MAPK10: variants seen among roughly 807,000 people sequenced by gnomAD.
MAPK10 encodes JNK3 alpha protein kinase.
A neutral mutation model predicts 59.3 loss-of-function variants in MAPK10; 25 were observed. The ratio of observed to expected loss-of-function variants is 0.42; its 90% CI spans 0.31 to 0.59. MAPK10 has a LOEUF of 0.59. Among genes scored for constraint, MAPK10 ranks in the 20% least tolerant of loss-of-function variants. The pLI is 0.15. For missense variants in MAPK10, 351 were observed against 568.9 expected, an observed-to-expected ratio of 0.62 and a Z score of 3.90; for synonymous variants, 190 against 200.5, an observed-to-expected ratio of 0.95 and a Z score of 0.44.
chr4:86,171,455 T>G (rs980557593), intron 3 of MAPK10, among the ~76,000 whole-genome samples: 1 of 151,742 alleles, frequency 6.6e-6, no homozygotes, highest in African/African-American at 2.4e-5. Flanking sequence ...TTGACAAACC[T>G]GAGAAAAACA....
At chr4:86,267,746 C>G (rs2094302716) in intron 2 of MAPK10, among the ~76,000 whole-genome samples, 1 of 152,088 alleles carries the variant, frequency 6.6e-6, no homozygotes, top group African/African-American at 2.4e-5. Flanking sequence ...CCACTTTCAT[C>G]AAACTTCTGG....
intron 1 of MAPK10, among the ~76,000 whole-genome samples, chr4:86,394,370 G>C (rs527272209): frequency 9.2e-5 from 14 of 152,234 alleles, no homozygotes; most frequent in African/African-American, 3.4e-4. Context: ...CAATATTTCA[G>C]AATGAAAGCT....
At chr4:86,223,263 A>C (rs2089998063) in intron 2 of MAPK10, among the ~76,000 whole-genome samples, 1 of 152,178 alleles carries the variant, frequency 6.6e-6, no homozygotes, top group South Asian at 2.1e-4. Context: ...TTTGCAGTAC[A>C]GCTGGCATTC....
intron 2 of MAPK10, among the ~76,000 whole-genome samples, chr4:86,251,483 T>C (rs1362168861): frequency 7.1e-6 from 1 of 141,704 alleles, no homozygotes; most frequent in African/African-American, 2.7e-5. Flanking sequence ...ATTTCATCCA[T>C]GTCCCTACAA....
At chr4:86,455,334 A>C (rs1043930872), upstream of MAPK10, among the ~76,000 whole-genome samples, 1 of 152,210 alleles carries the variant, frequency 6.6e-6, no homozygotes, top group African/African-American at 2.4e-5. Flanking sequence ...CATCTAAAAG[A>C]CACGGAATTG....
chr4:86,041,552 G>A (rs1312001032), intron 11 of MAPK10, among the ~76,000 whole-genome samples: 2 of 152,242 alleles, frequency 1.3e-5, no homozygotes, highest in East Asian at 1.9e-4. Context: ...GCAACCTACA[G>A]AAAGGGAGAA....
chr4:86,250,163 G>T (rs1260348525), intron 2 of MAPK10, among the ~76,000 whole-genome samples: 4 of 152,128 alleles, frequency 2.6e-5, no homozygotes, highest in African/African-American at 9.7e-5. Context: ...TAGGAATGCC[G>T]ATCTTTACAA....
intron 1 of MAPK10, among the ~76,000 whole-genome samples, chr4:86,387,525 C>T (rs970153070): frequency 6.6e-6 from 1 of 152,148 alleles, no homozygotes. Flanking sequence ...GTTTATTTTT[C>T]CTCAACATCC....
At chr4:86,036,088 C>T (rs2040230727) in intron 11 of MAPK10, among the ~76,000 whole-genome samples, 2 of 152,128 alleles carry the variant, frequency 1.3e-5, no homozygotes, top group African/African-American at 2.4e-5. Context: ...TTATAGAAGT[C>T]AAGCAAGTAG....
chr4:86,330,739 G>T (rs2148913119), intron 2 of MAPK10, among the ~76,000 whole-genome samples: 1 of 152,236 alleles, frequency 6.6e-6, no homozygotes, highest in South Asian at 2.1e-4. Flanking sequence ...AAATTATCCA[G>T]CCTTGGGCAG....
intron 2 of MAPK10, among the ~76,000 whole-genome samples, chr4:86,246,234 A>G (rs1318487560): frequency 6.6e-6 from 1 of 152,290 alleles, no homozygotes; most frequent in Non-Finnish European, 1.5e-5. Flanking sequence ...GATCGAGACT[A>G]TCCTGGCTAA....
At chr4:86,428,188 T>A (rs1747556249) in intron 1 of MAPK10, among the ~76,000 whole-genome samples, 1 of 151,992 alleles carries the variant, frequency 6.6e-6, no homozygotes, top group African/African-American at 2.4e-5. Flanking sequence ...TCGCCCAGGC[T>A]GGAGCAGCAA....
chr4:86,116,333 G>T (rs191482946), intron 4 of MAPK10, among the ~76,000 whole-genome samples: 1 of 152,136 alleles, frequency 6.6e-6, no homozygotes, highest in African/African-American at 2.4e-5. Context: ...GGGCTGATTC[G>T]ATCCTCTACA....
intron 1 of MAPK10, among the ~76,000 whole-genome samples, chr4:86,388,646 T>C (rs1479858910): frequency 6.6e-6 from 1 of 152,196 alleles, no homozygotes; most frequent in East Asian, 1.9e-4. Flanking sequence ...TGTTATTGTA[T>C]AACAAGTTAA....
Position 86,581,902 on chromosome 4 carries a change from TATATATATATATATATA to T in MAPK10, c.-263+11991_-263+12007del, listed in dbSNP as rs1762315737. Reference sequence around the variant, plus strand: ...AAAACACTTTAAGCTATATATATTATATATATATATATATATATATATATATATATATATATATATAT... The same window carrying T: ...AAAACACTTTAAGCTATATATATTATTATATATATATATATATATATATAT... On this transcript the variant is annotated intron_variant, in intron 1 of 4. Transcript: ENST00000502302. 8.7e-3 allele frequency among the ~76,000 whole-genome samples: 16 copies of T among 1,842 alleles called. No individual in the cohort carries two copies. The South Asian group carries it at 0.11, about 13-fold the overall frequency. 1.2% of individuals were successfully genotyped at this position (1,842 alleles called of 152,430 possible).
intron 1 of MAPK10, among the ~76,000 whole-genome samples, chr4:86,386,948 G>A (rs1005879561): frequency 6.6e-6 from 1 of 152,132 alleles, no homozygotes; most frequent in Non-Finnish European, 1.5e-5. Context: ...GTGGTAGAGA[G>A]GCTGAGTAGG....
At chr4:86,334,117 C>A (rs2096218264) in intron 2 of MAPK10, among the ~76,000 whole-genome samples, 1 of 152,160 alleles carries the variant, frequency 6.6e-6, no homozygotes, top group South Asian at 2.1e-4. Flanking sequence ...CAGATGAATT[C>A]AACTTCTTCC....
At chr4:86,568,964 G>T (rs1370712874) in intron 1 of MAPK10, among the ~76,000 whole-genome samples, 1 of 151,850 alleles carries the variant, frequency 6.6e-6, no homozygotes, top group Non-Finnish European at 1.5e-5. Context: ...TCATTAAACT[G>T]AAAAGCTTCT....
At chr4:86,323,520 C>G (rs1043145403) in intron 2 of MAPK10, among the ~76,000 whole-genome samples, 6 of 152,150 alleles carry the variant, frequency 3.9e-5, no homozygotes, top group Non-Finnish European at 7.3e-5. Flanking sequence ...AAGCAAGTTT[C>G]AGAATCAATG....
Sources: gnomAD v4.1 joint callset for allele counts (sites outside exome capture counted in the v4.1 genomes callset) on GRCh38, gnomAD v4.1.1 for gene constraint, MANE v1.5 for transcripts, NCBI Gene and HGNC (gene_info 2026-07-23, HGNC 2026-07-21) for gene names.